LOC128462377: variants seen among roughly 807,000 people sequenced by gnomAD.
the LOC128462377 span, among the ~76,000 whole-genome samples, chr16:89,377,512 T>C: frequency 2.0e-5 from 3 of 151,172 alleles, no homozygotes; most frequent in African/African-American, 7.3e-5. Context: ...GGATGAAGGG[T>C]TTCATTTCAA....
At chr16:89,405,291 G>A in the LOC128462377 span, among the ~76,000 whole-genome samples, 1 of 152,160 alleles carries the variant, frequency 6.6e-6, no homozygotes, top group Non-Finnish European at 1.5e-5. Context: ...ACTGTATTCT[G>A]TAGGGCACAT....
At chr16:89,384,235 C>G in the LOC128462377 span, among the ~76,000 whole-genome samples, 1 of 152,020 alleles carries the variant, frequency 6.6e-6, no homozygotes, top group Non-Finnish European at 1.5e-5. Context: ...CAAACAAAAA[C>G]AAACATTTCT....
the LOC128462377 span, among the ~76,000 whole-genome samples, chr16:89,385,899 G>T: frequency 1.2e-3 from 188 of 152,314 alleles, no homozygotes; most frequent in African/African-American, 4.1e-3. Context: ...TAGGCAACCC[G>T]GTGGTCCCCA....
chr16:89,357,251 T>C, the LOC128462377 span, among the ~76,000 whole-genome samples: 2 of 152,064 alleles, frequency 1.3e-5, no homozygotes, highest in African/African-American at 4.8e-5. Context: ...TCACCTCTCA[T>C]CTGTCAAATC....
the LOC128462377 span, among the ~76,000 whole-genome samples, chr16:89,356,500 G>A: frequency 1.1e-3 from 168 of 152,038 alleles, no homozygotes; most frequent in African/African-American, 3.8e-3. Flanking sequence ...GGCCAGGCGC[G>A]GTGGCTCACG....
the LOC128462377 span, among the ~76,000 whole-genome samples, chr16:89,355,912 G>A: frequency 1.3e-5 from 2 of 152,110 alleles, no homozygotes; most frequent in East Asian, 3.9e-4. Flanking sequence ...AGCACAGCTC[G>A]GGAGACCAGG....
At chr16:89,411,261 A>G in the LOC128462377 span, among the ~76,000 whole-genome samples, 1 of 152,160 alleles carries the variant, frequency 6.6e-6, no homozygotes, top group African/African-American at 2.4e-5. Flanking sequence ...TTTTTGCTCT[A>G]CTTCTCTTTC....
the LOC128462377 span, among the ~76,000 whole-genome samples, chr16:89,341,194 G>A: frequency 3.3e-5 from 5 of 152,290 alleles, no homozygotes; most frequent in East Asian, 3.9e-4. Flanking sequence ...AATGAGATGG[G>A]TGAGATCCGC....
chr16:89,362,729 T>C, the LOC128462377 span, among the ~76,000 whole-genome samples: 1 of 152,270 alleles, frequency 6.6e-6, no homozygotes, highest in Non-Finnish European at 1.5e-5. Context: ...CCTAAGTATC[T>C]GCCCTGGCAT....
At chr16:89,399,066 C>CATCCCTGCATCATCCCTG in the LOC128462377 span, among the ~76,000 whole-genome samples, 3 of 152,198 alleles carry the variant, frequency 2.0e-5, no homozygotes, top group African/African-American at 7.2e-5. Flanking sequence ...AGTGTTGCCT[C>CATCCCTGCATCATCCCTG]AACAGAAACT....
At chr16:89,350,205 G>C in the LOC128462377 span, among the ~76,000 whole-genome samples, 9 of 152,234 alleles carry the variant, frequency 5.9e-5, no homozygotes, top group Non-Finnish European at 1.2e-4. Flanking sequence ...GGACAGAGCA[G>C]ATGGAATTCC....
the LOC128462377 span, among the ~76,000 whole-genome samples, chr16:89,351,330 T>C: frequency 6.6e-6 from 1 of 152,136 alleles, no homozygotes; most frequent in Admixed American, 6.5e-5. Flanking sequence ...ATGGCATCCA[T>C]GGCCCTAGGG....
chr16:89,356,252 T>C, the LOC128462377 span, among the ~76,000 whole-genome samples: 1 of 151,944 alleles, frequency 6.6e-6, no homozygotes, highest in Non-Finnish European at 1.5e-5. Flanking sequence ...TTACAGACTT[T>C]CAGGACGTCC....
At chr16:89,373,857 G>C in the LOC128462377 span, among the ~76,000 whole-genome samples, 1 of 152,224 alleles carries the variant, frequency 6.6e-6, no homozygotes, top group Admixed American at 6.5e-5. Context: ...TTTAGTTAGA[G>C]CTGCTATTAA....
the LOC128462377 span, among the ~76,000 whole-genome samples, chr16:89,387,229 TAA>T: frequency 7.9e-5 from 11 of 139,372 alleles, no homozygotes; most frequent in Admixed American, 2.1e-4. Flanking sequence ...AGTGCCAAGT[TAA>T]AAAAAAAAAA....
the LOC128462377 span, among the ~76,000 whole-genome samples, chr16:89,406,541 C>A: frequency 6.6e-6 from 1 of 152,126 alleles, no homozygotes; most frequent in Admixed American, 6.5e-5. Flanking sequence ...CACACAGGCA[C>A]CAGAGGCTGC....
the LOC128462377 span, among the ~76,000 whole-genome samples, chr16:89,337,429 C>CTTTT: frequency 3.1e-3 from 164 of 53,124 alleles, 48 homozygotes; most frequent in African/African-American, 0.012. Flanking sequence ...CTAAGCAATT[C>CTTTT]TTTTTTTTTT....
chr16:89,385,952 C>G, the LOC128462377 span, among the ~76,000 whole-genome samples: 1 of 152,240 alleles, frequency 6.6e-6, no homozygotes, highest in Admixed American at 6.5e-5. Flanking sequence ...TAGCACACAG[C>G]GGACAGCAGT....
the LOC128462377 span, chr16:89,372,717 C>T: frequency 2.0e-5 from 3 of 152,152 alleles, no homozygotes; most frequent in African/African-American, 7.2e-5. Flanking sequence ...CTAGTAAACG[C>T]TGAGCCCGGG....
Sources: allele counts gnomAD v4.1 joint callset (sites outside exome capture counted in the v4.1 genomes callset), GRCh38; gene constraint gnomAD v4.1.1; transcripts MANE v1.5.